Variants in ZNF385D observed in about 807,000 individuals in gnomAD.
ZNF385D encodes zinc finger protein 659.
Under a neutral mutation model 35.8 loss-of-function variants are expected in ZNF385D, and 15 were observed. The observed-to-expected ratio is 0.42, with a 90% CI of 0.28 to 0.64. The LOEUF (loss-of-function observed/expected upper bound fraction) is 0.64, where lower values mean the gene tolerates loss of function less well. ZNF385D is among the 30% of genes least tolerant of loss of function. The pLI, the probability that ZNF385D is intolerant of heterozygous loss-of-function variation, is 0.23. For missense variants in ZNF385D, 474 were observed against 494.6 expected, an observed-to-expected ratio of 0.96 and a Z score of 0.39; for synonymous variants, 212 against 186.8, an observed-to-expected ratio of 1.13 and a Z score of -1.10.
At chr3:22,004,087 A>G (rs563828543) in intron 3 of ZNF385D, among the ~76,000 whole-genome samples, 2 of 152,104 alleles carry the variant, frequency 1.3e-5, no homozygotes, top group Non-Finnish European at 2.9e-5. Context: ...TAACCAAAGG[A>G]ACAGAACCAA....
intron 3 of ZNF385D, among the ~76,000 whole-genome samples, chr3:21,805,201 T>C (rs112971832): frequency 2.0e-5 from 3 of 152,346 alleles, no homozygotes; most frequent in African/African-American, 7.2e-5. Context: ...TTGTCTGTTG[T>C]ATAGCATTGA....
intron 2 of ZNF385D, among the ~76,000 whole-genome samples, chr3:22,271,056 T>C (rs1701151789): frequency 2.0e-5 from 3 of 151,952 alleles, no homozygotes; most frequent in Admixed American, 2.0e-4. Context: ...CCTCCTTCCA[T>C]GAAATCTTTT....
chr3:22,170,740 T>C (rs1340479817), intron 2 of ZNF385D, among the ~76,000 whole-genome samples: 1 of 152,176 alleles, frequency 6.6e-6, no homozygotes, highest in African/African-American at 2.4e-5. Flanking sequence ...AATGTAAGTA[T>C]CTATCCAGGT....
Position 21,829,067 on chromosome 3 carries a change from A to G in ZNF385D, c.326-164039T>C, listed in dbSNP as rs369178574. 1.8e-4 allele frequency among the ~76,000 whole-genome samples: 28 copies of G among 152,300 alleles called. No individual in the cohort carries two copies. The East Asian group carries it at 2.9e-3, about 16-fold the overall frequency. ...CACATCTTCAAAGCCCCTGTTGCCA[A>G]TAATATACTAGCTGTTTGCAAGGAT... On this transcript the variant is annotated intron_variant, in intron 3 of 5. Transcript: ENST00000494108.
intron 3 of ZNF385D, among the ~76,000 whole-genome samples, chr3:21,870,081 AATATACACTAAT>A (rs1697604674): frequency 6.6e-6 from 1 of 152,158 alleles, no homozygotes; most frequent in African/African-American, 2.4e-5. Flanking sequence ...TAATTCCAAA[AATATACACTAAT>A]ATATACACTA....
intron 1 of ZNF385D, among the ~76,000 whole-genome samples, chr3:21,707,729 G>C (rs761741596): frequency 6.6e-6 from 1 of 152,198 alleles, no homozygotes; most frequent in Non-Finnish European, 1.5e-5. Context: ...GATCACTTGA[G>C]AATGTACCAG....
At chr3:21,452,914 A>T (rs1702547925) in intron 4 of ZNF385D, among the ~76,000 whole-genome samples, 1 of 151,984 alleles carries the variant, frequency 6.6e-6, no homozygotes, top group Admixed American at 6.6e-5. Context: ...ATTGAAAAAG[A>T]AGAATAAAGT....
chr3:21,981,977 A>T (rs1355069899), intron 3 of ZNF385D, among the ~76,000 whole-genome samples: 1 of 151,496 alleles, frequency 6.6e-6, no homozygotes, highest in Non-Finnish European at 1.5e-5. Flanking sequence ...CTTGTAGTAT[A>T]GTTTGAAGTC....
chr3:21,932,468 G>C (rs914096392), intron 3 of ZNF385D, among the ~76,000 whole-genome samples: 3 of 151,580 alleles, frequency 2.0e-5, no homozygotes, highest in African/African-American at 7.3e-5. Flanking sequence ...TCTACCATAG[G>C]TACTGTTATC....
At chr3:21,538,766 G>C (rs1406727993) in intron 3 of ZNF385D, among the ~76,000 whole-genome samples, 2 of 152,028 alleles carry the variant, frequency 1.3e-5, no homozygotes. Context: ...CATGGAGGGG[G>C]GAAAGGGAAA....
At chr3:21,592,999 C>T (rs1465653790) in intron 2 of ZNF385D, among the ~76,000 whole-genome samples, 6 of 152,178 alleles carry the variant, frequency 3.9e-5, no homozygotes, top group African/African-American at 1.4e-4. Context: ...TTGGAAATGA[C>T]ATCATGTGTG....
chr3:21,994,730 T>G (rs544639317), intron 3 of ZNF385D, among the ~76,000 whole-genome samples: 2 of 152,190 alleles, frequency 1.3e-5, no homozygotes, highest in Non-Finnish European at 2.9e-5. Flanking sequence ...ATAGTGCTGA[T>G]TGTGTAGGGT....
chr3:21,473,644 CTGT>C (rs1048438765), intron 4 of ZNF385D, among the ~76,000 whole-genome samples: 24 of 152,128 alleles, frequency 1.6e-4, no homozygotes, highest in African/African-American at 5.1e-4. Flanking sequence ...ATTCTAAACC[CTGT>C]TGTTCAAACC....
At chr3:21,590,898 T>C (rs942186081) in intron 2 of ZNF385D, among the ~76,000 whole-genome samples, 1 of 151,750 alleles carries the variant, frequency 6.6e-6, no homozygotes, top group Non-Finnish European at 1.5e-5. Context: ...AATAAATAAG[T>C]ATGAAAAATG....
intron 3 of ZNF385D, among the ~76,000 whole-genome samples, chr3:22,145,119 G>A (rs1269949919): frequency 6.6e-6 from 1 of 151,892 alleles, no homozygotes. Context: ...ACATACATTT[G>A]TATATATAAA....
At chr3:22,091,641 C>G (rs1029047832) in intron 3 of ZNF385D, among the ~76,000 whole-genome samples, 5 of 151,910 alleles carry the variant, frequency 3.3e-5, no homozygotes, top group Admixed American at 6.6e-5. Flanking sequence ...TAAATGGAAA[C>G]AGCTTCTCAC....
chr3:21,595,565 G>A (rs777971337), intron 2 of ZNF385D, among the ~76,000 whole-genome samples: 77 of 151,488 alleles, frequency 5.1e-4, no homozygotes, highest in Non-Finnish European at 8.4e-4. Context: ...TACCTACTAC[G>A]TGAGCAATGT....
chr3:22,259,064 C>A (rs950107681), intron 2 of ZNF385D, among the ~76,000 whole-genome samples: 3 of 151,872 alleles, frequency 2.0e-5, no homozygotes, highest in Non-Finnish European at 2.9e-5. Context: ...ATTCTGAAAT[C>A]ATAAAATGAA....
upstream of ZNF385D, among the ~76,000 whole-genome samples, chr3:21,755,926 G>A (rs985353345): frequency 1.3e-5 from 2 of 152,202 alleles, no homozygotes; most frequent in African/African-American, 4.8e-5. Context: ...AGGCCAATAT[G>A]CTAGAGTAGA....
Sources: allele counts gnomAD v4.1 joint callset (sites outside exome capture counted in the v4.1 genomes callset), GRCh38; gene constraint gnomAD v4.1.1; transcripts MANE v1.5; gene names NCBI Gene and HGNC (gene_info 2026-07-23, HGNC 2026-07-21).